Variants in LRP6 observed in about 807,000 individuals in gnomAD.
The protein encoded by LRP6 is low-density lipoprotein receptor-related protein 6.
Under a neutral mutation model 184.1 loss-of-function variants are expected in LRP6, and 43 were observed. The ratio of observed to expected loss-of-function variants is 0.23; its 90% CI spans 0.18 to 0.30. LRP6 has a LOEUF of 0.30. LRP6 is among the 10% of genes least tolerant of loss of function. LRP6 has a pLI of 1.00. For missense variants in LRP6, 1,571 were observed against 2,005.3 expected (o/e 0.78, Z 4.14); for synonymous variants, 719 against 684.9 (o/e 1.05, Z -0.78).
Position 12,116,492 on chromosome 12 carries a change from TATTTAGGC to T in LRP6, c.*4626_*4633del, listed in dbSNP as rs1949521221. 1.3e-5 allele frequency: 2 copies of T among 152,208 alleles called. No homozygotes were observed. Among genetic ancestry groups the T allele is most frequent in the Non-Finnish European group, 2.9e-5 (2 of 68,034 alleles). The allele number at this position is 152,208 out of a possible 1,614,324, so 9.4% of individuals were successfully genotyped here. On this transcript the variant is annotated 3_prime_UTR_variant, in exon 23 of 23. Coordinates refer to ENST00000261349, the MANE Select transcript of LRP6 (RefSeq NM_002336.3). Reference sequence around the variant, plus strand: ...TTAAAAATTTTCCCTTTAATACCCATATTTAGGCATTAGATATATAGAATATGTATCTA... The same window carrying T: ...TTAAAAATTTTCCCTTTAATACCCATATTAGATATATAGAATATGTATCTA...
At chr12:12,175,818 G>C (rs1280766444) in intron 7 of LRP6, among the ~76,000 whole-genome samples, 1 of 151,362 alleles carries the variant, frequency 6.6e-6, no homozygotes, top group African/African-American at 2.4e-5. Flanking sequence ...CCAACTATTA[G>C]AAACACACTG....
intron 3 of LRP6, among the ~76,000 whole-genome samples, chr12:12,189,008 G>C (rs1863546953): frequency 1.3e-5 from 2 of 151,852 alleles, no homozygotes; most frequent in African/African-American, 4.8e-5. Flanking sequence ...GAACTGCTTT[G>C]AAAAACTCAA....
chr12:12,195,396 T>C (rs1046792722), intron 3 of LRP6, among the ~76,000 whole-genome samples: 5 of 152,124 alleles, frequency 3.3e-5, no homozygotes, highest in Non-Finnish European at 7.4e-5. Context: ...ATATGGTAAC[T>C]AGGGTGAGAT....
At chr12:12,156,499 T>C (rs1862583348) in intron 12 of LRP6, among the ~76,000 whole-genome samples, 1 of 152,232 alleles carries the variant, frequency 6.6e-6, no homozygotes, top group Non-Finnish European at 1.5e-5. Flanking sequence ...TAGGCCATTA[T>C]AAGAACTAGG....
At chr12:12,208,280 G>A (rs966794734) in intron 2 of LRP6, among the ~76,000 whole-genome samples, 12 of 152,226 alleles carry the variant, frequency 7.9e-5, no homozygotes, top group African/African-American at 2.7e-4. Context: ...GTAAGGGATT[G>A]ACTGTAAAGG....
intron 2 of LRP6, among the ~76,000 whole-genome samples, chr12:12,235,369 A>G (rs1000773083): frequency 6.6e-6 from 1 of 152,204 alleles, no homozygotes; most frequent in African/African-American, 2.4e-5. Context: ...AACTAGGGGT[A>G]TGTGTGTCTA....
At position 12,131,097 on chromosome 12, in the gene LRP6, A is replaced by ATTTTTTTT. The variant is rs35705276; in HGVS notation, c.3971-212_3971-205dup. 4.7e-4 allele frequency among the ~76,000 whole-genome samples: 37 copies of ATTTTTTTT among 78,184 alleles called. 1 individual carries two copies. Among genetic ancestry groups the ATTTTTTTT allele is most frequent in the African/African-American group, 1.4e-3 (35 of 25,092 alleles). 51.3% of individuals were successfully genotyped at this position (78,184 alleles called of 152,430 possible). A position where few individuals can be genotyped will look rare whatever the true frequency, so the allele number is the denominator to read the frequency against. On this transcript the variant is annotated intron_variant, in intron 18 of 22. Transcript: ENST00000261349. ...AAAATCCAGCAGGAAATTTCCTAACATTTTTTTTTTTTTTTTTTTTTTTTT... is the reference window on the plus strand; with the variant it reads ...AAAATCCAGCAGGAAATTTCCTAACATTTTTTTTTTTTTTTTTTTTTTTTTTTTTTTTT...
chr12:12,140,245 A>G (rs1454346977), intron 15 of LRP6, among the ~76,000 whole-genome samples: 1 of 152,102 alleles, frequency 6.6e-6, no homozygotes, highest in Non-Finnish European at 1.5e-5. Flanking sequence ...AGAGGGGCAG[A>G]GCATTTGGAG....
intron 10 of LRP6, 126 bp downstream of exon 10, chr12:12,162,067 C>T: frequency 1.3e-6 from 1 of 749,676 alleles, no homozygotes; most frequent in Non-Finnish European, 2.3e-6. Flanking sequence ...AAAAGTTCAT[C>T]TATCATTTAG....
At chr12:12,153,647 A>AG (rs1950110632) in intron 12 of LRP6, among the ~76,000 whole-genome samples, 1 of 152,370 alleles carries the variant, frequency 6.6e-6, no homozygotes, top group South Asian at 2.1e-4. Context: ...AGTGTTTAAA[A>AG]TGACAAAGAA....
chr12:12,191,715 G>C (rs978081543), intron 3 of LRP6, among the ~76,000 whole-genome samples: 2 of 151,882 alleles, frequency 1.3e-5, no homozygotes, highest in Non-Finnish European at 2.9e-5. Context: ...ACACAAATTA[G>C]AATCAGACAA....
At chr12:12,207,349 C>G (rs556140107) in intron 2 of LRP6, among the ~76,000 whole-genome samples, 2 of 91,834 alleles carry the variant, frequency 2.2e-5, no homozygotes, top group South Asian at 9.1e-4. Flanking sequence ...AAAACCCTGT[C>G]TCTATTAAAA....
At chr12:12,205,970 G>A (rs545933681) in intron 2 of LRP6, among the ~76,000 whole-genome samples, 3 of 152,166 alleles carry the variant, frequency 2.0e-5, no homozygotes, top group Non-Finnish European at 4.4e-5. Context: ...CTACAATACT[G>A]TATTGTCACT....
At chr12:12,250,413 T>C (rs1485053027) in intron 1 of LRP6, among the ~76,000 whole-genome samples, 1 of 152,168 alleles carries the variant, frequency 6.6e-6, no homozygotes, top group Non-Finnish European at 1.5e-5. Context: ...TTACCTACTC[T>C]GTAACCCTTT....
At chr12:12,199,486 T>C (rs996881330) in intron 3 of LRP6, among the ~76,000 whole-genome samples, 1 of 152,124 alleles carries the variant, frequency 6.6e-6, no homozygotes, top group Non-Finnish European at 1.5e-5. Context: ...AGTGCATCAT[T>C]TGTACAAAAG....
At chr12:12,241,224 G>A (rs1473318883) in intron 2 of LRP6, among the ~76,000 whole-genome samples, 7 of 152,106 alleles carry the variant, frequency 4.6e-5, no homozygotes, top group African/African-American at 1.7e-4. Flanking sequence ...CAGGATCCTG[G>A]AACTCTGAAA....
At chr12:12,231,156 G>A (rs1479212287) in intron 2 of LRP6, among the ~76,000 whole-genome samples, 1 of 115,940 alleles carries the variant, frequency 8.6e-6, no homozygotes, top group East Asian at 3.1e-4. Context: ...ACTCTAGCCT[G>A]GATGACAGAG....
At chr12:12,200,405 A>G (rs1303241018) in intron 3 of LRP6, among the ~76,000 whole-genome samples, 1 of 152,036 alleles carries the variant, frequency 6.6e-6, no homozygotes, top group East Asian at 1.9e-4. Context: ...ATGTGTCCTC[A>G]TTTTCAAGAG....
At chr12:12,244,165 C>T (rs981516198) in intron 2 of LRP6, 97 bp downstream of exon 2, 3 of 1,224,996 alleles carry the variant, frequency 2.4e-6, no homozygotes, top group Non-Finnish European at 3.6e-6. Flanking sequence ...TTCCTGTTTT[C>T]GATCTTTCTT....
Sources: gnomAD v4.1 joint callset for allele counts (sites outside exome capture counted in the v4.1 genomes callset) on GRCh38, gnomAD v4.1.1 for gene constraint, MANE v1.5 for transcripts, NCBI Gene and HGNC (gene_info 2026-07-23, HGNC 2026-07-21) for gene names.